The following CEP85 variants were observed in gnomAD, a reference collection of about 807,000 sequenced individuals.
CEP85 encodes the protein centrosomal protein of 85 kDa.
CEP85 carries 58 observed loss-of-function variants against 93.7 expected under a neutral mutation model. The ratio of observed to expected loss-of-function variants is 0.62; its 90% CI spans 0.50 to 0.77. CEP85 has a LOEUF of 0.77. Ranked by LOEUF, CEP85 falls within the 30% of genes least tolerant of loss-of-function variation. The pLI is 0.00. For synonymous variants in CEP85, 314 were observed against 338.6 expected (o/e 0.93, Z 0.80); for missense variants, 868 against 922.0 (o/e 0.94, Z 0.76).
chr1:26,252,468 G>A (rs1445767060), intron 3 of CEP85, among the ~76,000 whole-genome samples: 1 of 152,146 alleles, frequency 6.6e-6, no homozygotes, highest in Non-Finnish European at 1.5e-5. Context: ...GGAGGAGGAG[G>A]TTGTGGTGAG....
At chr1:26,244,883 T>A (rs1408093149) in intron 3 of CEP85, among the ~76,000 whole-genome samples, 1 of 152,136 alleles carries the variant, frequency 6.6e-6, no homozygotes, top group African/African-American at 2.4e-5. Context: ...GCCAGATTAT[T>A]TTTGCTAAAA....
intron 7 of CEP85, among the ~76,000 whole-genome samples, 172 bp downstream of exon 7, chr1:26,259,974 C>T (rs2089781218): frequency 6.6e-6 from 1 of 152,154 alleles, no homozygotes; most frequent in African/African-American, 2.4e-5. Flanking sequence ...AAATGGAACT[C>T]TCCTCCCTCC....
intron 3 of CEP85, among the ~76,000 whole-genome samples, chr1:26,250,837 C>CA (rs1326431997): frequency 1.3e-5 from 2 of 150,108 alleles, no homozygotes; most frequent in African/African-American, 4.9e-5. Flanking sequence ...GGCATAGTGG[C>CA]AGCATCTGGC....
At chr1:26,245,700 A>G (rs2089499377) in intron 3 of CEP85, among the ~76,000 whole-genome samples, 1 of 152,142 alleles carries the variant, frequency 6.6e-6, no homozygotes, top group South Asian at 2.1e-4. Flanking sequence ...TTTCTGTATT[A>G]TTTCACTAAA....
rs190511277 is a variant in CEP85 at position 26,252,388 on chromosome 1, C to T, written c.209-2783C>T. Among the ~76,000 whole-genome samples, 129 of 151,790 alleles carry T rather than the reference C, an allele frequency of 8.5e-4. 1 individual carries two copies. Among genetic ancestry groups the T allele is most frequent in the African/African-American group, 2.9e-3 (119 of 41,362 alleles). ...TCTCTACTAAAAATACAAAATTAGC[C>T]GGGCGTGGTGGAGCATGCCTTTAAT... On this transcript the variant is annotated intron_variant, in intron 3 of 13. Coordinates refer to ENST00000451429, the MANE Select transcript of CEP85 (RefSeq NM_001319944.2).
At chr1:26,275,108 C>T in intron 12 of CEP85, 37 bp downstream of exon 12, 1 of 1,476,650 alleles carries the variant, frequency 6.8e-7, no homozygotes, top group South Asian at 1.2e-5. Context: ...GTTTTGCCTC[C>T]ACAAACCCGA....
chr1:26,241,003 A>G (rs1044781229), intron 2 of CEP85, among the ~76,000 whole-genome samples: 3 of 152,140 alleles, frequency 2.0e-5, no homozygotes, highest in Non-Finnish European at 4.4e-5. Flanking sequence ...AGTAGATAAT[A>G]TATATTTCAA....
At chr1:26,271,394 T>C in intron 10 of CEP85, 1 of 308,136 alleles carries the variant, frequency 3.2e-6, no homozygotes, top group South Asian at 3.8e-5. Context: ...TAAAGTTTGG[T>C]GCACTTTATT....
intron 1 of CEP85, among the ~76,000 whole-genome samples, chr1:26,236,188 C>A (rs988142880): frequency 6.6e-5 from 10 of 152,146 alleles, no homozygotes; most frequent in African/African-American, 2.2e-4. Flanking sequence ...TACTGTAAAC[C>A]TTTATTTTCT....
rs1162230663 is a variant in CEP85 at position 26,276,719 on chromosome 1, A to G, written c.2087A>G (p.Gln696Arg). ...TGTAGCATTGTGACCCAGAGGGCCC[A>G]GGGCCATGACCCCAATCTCTCCCTG... Reference protein sequence around the residue: ...AVCSIVTQRAQGHDPNLSLLL... With the variant: ...AVCSIVTQRARGHDPNLSLLL... The change falls in exon 13 of 14, where the codon CAG becomes CGG. Residue 696 changes from glutamine to arginine, a missense_variant. Coordinates refer to ENST00000451429, the MANE Select transcript of CEP85 (RefSeq NM_001319944.2). 6 of 1,614,190 alleles carry G rather than the reference A, an allele frequency of 3.7e-6. No individual in the cohort carries two copies. In the South Asian group the frequency reaches 5.5e-5, roughly 15 times the overall value.
intron 3 of CEP85, among the ~76,000 whole-genome samples, chr1:26,250,920 TTTTTC>T (rs1481147646): frequency 3.4e-4 from 7 of 20,320 alleles, no homozygotes; most frequent in Non-Finnish European, 8.4e-4. Context: ...TTGCCTTTTT[TTTTTC>T]TTTTTTCTTT....
chr1:26,256,956 T>TGTGTGTGTGTGTGTGTGTG (rs1557658491), intron 4 of CEP85, among the ~76,000 whole-genome samples: 3 of 149,514 alleles, frequency 2.0e-5, no homozygotes, highest in Admixed American at 6.7e-5. Context: ...TGTGTGTGTG[T>TGTGTGTGTGTGTGTGTGTG]TTTGGAGACA....
In CEP85 at chr1:26,277,603, C is replaced by CT. The variant is rs112995254; in HGVS notation, c.*313dup. On this transcript the variant is annotated 3_prime_UTR_variant, in exon 14 of 14. Coordinates refer to ENST00000451429, the MANE Select transcript of CEP85 (RefSeq NM_001319944.2). Reference sequence around the variant, plus strand: ...CATGAGAGACGAACAGGCTGTCCACCTTTCTTCTCCATCCAATGGGATGGA... The same window carrying CT: ...CATGAGAGACGAACAGGCTGTCCACCTTTTCTTCTCCATCCAATGGGATGGA... 19 of 238,790 alleles carry CT rather than the reference C, an allele frequency of 8.0e-5. No homozygotes were observed. The highest frequency in any genetic ancestry group is 3.7e-4 in the African/African-American group (17 of 45,344). The allele number at this position is 238,790 out of a possible 1,614,324, so 14.8% of individuals were successfully genotyped here.
At position 26,277,305 on chromosome 1, in the gene CEP85, G is replaced by A; in HGVS notation, c.*12G>A. The A allele has an allele frequency of 6.2e-7, 1 of 1,605,646 alleles. No individual in the cohort carries two copies. Among genetic ancestry groups the A allele is most frequent in the South Asian group, 1.1e-5 (1 of 90,940 alleles). On this transcript the variant is annotated 3_prime_UTR_variant, in exon 14 of 14. Coordinates refer to ENST00000451429, the MANE Select transcript of CEP85 (RefSeq NM_001319944.2). ...GTGTCACACAGTGAGGAATTCTGGG[G>A]GATTCCCCCAGGGAGGAGCTGGGCT...
intron 7 of CEP85, 84 bp from the exon 8 acceptor site, chr1:26,268,399 A>G: frequency 6.6e-7 from 1 of 1,510,176 alleles, no homozygotes; most frequent in Non-Finnish European, 9.2e-7. Context: ...TGGAGGCTGC[A>G]GTCAGCTGAG....
At chr1:26,254,427 T>TA (rs78505562) in intron 3 of CEP85, among the ~76,000 whole-genome samples, 19,645 of 143,498 alleles carry the variant, frequency 0.14, 1,319 homozygotes, top group Middle Eastern at 0.19. Context: ...AAGGAAAAGT[T>TA]AAAAAAAAAA....
intron 1 of CEP85, among the ~76,000 whole-genome samples, chr1:26,237,855 G>T (rs1198916523): frequency 6.6e-6 from 1 of 152,068 alleles, no homozygotes; most frequent in Non-Finnish European, 1.5e-5. Flanking sequence ...AAAGGATTTT[G>T]ATATTGACAA....
At chr1:26,251,379 G>A (rs562526078) in intron 3 of CEP85, among the ~76,000 whole-genome samples, 40 of 151,856 alleles carry the variant, frequency 2.6e-4, no homozygotes, top group South Asian at 1.5e-3. Flanking sequence ...AGCCTCCTGA[G>A]AAGCTGGGAC....
chr1:26,251,834 C>T (rs771479631), intron 3 of CEP85, among the ~76,000 whole-genome samples: 2 of 152,126 alleles, frequency 1.3e-5, no homozygotes, highest in Non-Finnish European at 2.9e-5. Context: ...GTAGCAACCC[C>T]TCATGTGCTA....
Sources: gnomAD v4.1 joint callset for allele counts (sites outside exome capture counted in the v4.1 genomes callset) on GRCh38, gnomAD v4.1.1 for gene constraint, MANE v1.5 for transcripts, NCBI Gene and HGNC (gene_info 2026-07-23, HGNC 2026-07-21) for gene names.